The following HMCN1 variants were observed in gnomAD, a reference collection of about 807,000 sequenced individuals.
HMCN1 encodes the protein hemicentin-1.
Under a neutral mutation model 625.9 loss-of-function variants are expected in HMCN1, and 321 were observed. That is an observed-to-expected ratio of 0.51 (90% confidence interval 0.47 to 0.56). The LOEUF (loss-of-function observed/expected upper bound fraction) is 0.56. Among genes scored for constraint, HMCN1 ranks in the 20% least tolerant of loss-of-function variants. HMCN1 has a pLI of 0.00. For synonymous variants in HMCN1, 2,425 were observed against 2,417.6 expected, an observed-to-expected ratio of 1.00 and a Z score of -0.09; for missense variants, 6,588 against 6,887.3, an observed-to-expected ratio of 0.96 and a Z score of 1.54.
chr1:185,952,414 G>A (rs1047848539), intron 11 of HMCN1, among the ~76,000 whole-genome samples: 2 of 151,632 alleles, frequency 1.3e-5, no homozygotes, highest in African/African-American at 2.4e-5. Flanking sequence ...GAAAGACTCA[G>A]CGACGCTTGG....
intron 1 of HMCN1, among the ~76,000 whole-genome samples, chr1:185,744,440 C>T (rs1349233501): frequency 1.3e-5 from 2 of 152,114 alleles, no homozygotes; most frequent in Non-Finnish European, 2.9e-5. Flanking sequence ...AGGCCACTGC[C>T]TCATAATTGG....
At chr1:185,972,432 A>C (rs548725105) in intron 15 of HMCN1, among the ~76,000 whole-genome samples, 2 of 152,260 alleles carry the variant, frequency 1.3e-5, no homozygotes, top group East Asian at 3.9e-4. Context: ...AACCTAACAA[A>C]TGTTTCGTAT....
Position 185,874,084 on chromosome 1 carries a change from GT to G in HMCN1, c.621+8230del, listed in dbSNP as rs971552106. ...CCTTTGGAAAAAACATATGAATATT[GT>G]TTTTTTTTAAGTAGTTTAAACCATT... On this transcript the variant is annotated intron_variant, in intron 4 of 106. Transcript: ENST00000271588. Among the ~76,000 whole-genome samples the G allele has an allele frequency of 3.2e-3, 484 of 150,544 alleles. 2 individuals are homozygous for G. The highest frequency in any genetic ancestry group is 3.5e-3 in the Non-Finnish European group (234 of 67,426).
In HMCN1 at chr1:185,890,331, G is replaced by A. The variant is rs909371094; in HGVS notation, c.622-19006G>A. Among the ~76,000 whole-genome samples the A allele has an allele frequency of 1.1e-4, 16 of 147,926 alleles. 3 individuals are homozygous for A. Among genetic ancestry groups the A allele is most frequent in the African/African-American group, 4.3e-4 (16 of 37,398 alleles). On this transcript the variant is annotated intron_variant, in intron 4 of 106. Coordinates refer to ENST00000271588, the MANE Select transcript of HMCN1 (RefSeq NM_031935.3). Reference sequence around the variant, plus strand: ...TTCCTTCAGTTCTGCTCTGATTTTAGGTATTTCTTGCCTTCTGCTAGCTTT... The same window carrying A: ...TTCCTTCAGTTCTGCTCTGATTTTAAGTATTTCTTGCCTTCTGCTAGCTTT...
chr1:186,184,672 T>TTAC (rs1653168502), intron 105 of HMCN1, among the ~76,000 whole-genome samples: 1 of 138,040 alleles, frequency 7.2e-6, no homozygotes, highest in Non-Finnish European at 1.6e-5. Context: ...AAATTACTTA[T>TTAC]ATTTTCTATA....
chr1:185,879,238 A>C (rs1302115804), intron 4 of HMCN1, among the ~76,000 whole-genome samples: 1 of 152,070 alleles, frequency 6.6e-6, no homozygotes, highest in Non-Finnish European at 1.5e-5. Flanking sequence ...TGTTGTGATC[A>C]CTGCTCACTG....
At chr1:186,145,313 T>C in intron 91 of HMCN1, 90 bp from the exon 92 acceptor site, 30 of 1,260,612 alleles carry the variant, frequency 2.4e-5, no homozygotes, top group Non-Finnish European at 3.0e-5. Flanking sequence ...AGAAGAGACT[T>C]TTTTTTTAAT....
Position 186,152,766 on chromosome 1 carries a change from G to A in HMCN1, c.14913G>A (p.Met4971Ile), listed in dbSNP as rs750507747. ...VEFATGEILQ[M>I]SHIARGLDSD... is the part of the protein sequence containing the mutation. ...AATTCCCAGGAGAAATCTTGCAGAT[G>A]AGTCATATTGCCCGGGGCTTGGATT... The change falls in exon 96 of 107, where the codon ATG (methionine) becomes ATA (isoleucine). Residue 4971 changes from methionine to isoleucine, a missense_variant. Met to Ile is a conservative substitution (Grantham distance 10, BLOSUM62 1). Around this residue, in one of 3 missense-constraint regions of HMCN1, gnomAD observed 1,954 missense variants for 2,013.1 expected, o/e 0.97. Coordinates refer to ENST00000271588, the MANE Select transcript of HMCN1 (RefSeq NM_031935.3). 6.2e-7 allele frequency: 1 copy of A among 1,613,954 alleles called. No homozygotes were observed. The highest frequency in any genetic ancestry group is 8.5e-7 in the Non-Finnish European group (1 of 1,179,852).
At chr1:185,735,586 A>G (rs1485972773) in intron 1 of HMCN1, among the ~76,000 whole-genome samples, 1 of 152,190 alleles carries the variant, frequency 6.6e-6, no homozygotes, top group African/African-American at 2.4e-5. Flanking sequence ...TCTTAACTGA[A>G]TCTATTCATC....
intron 4 of HMCN1, among the ~76,000 whole-genome samples, chr1:185,893,349 A>T (rs1041181855): frequency 6.6e-6 from 1 of 152,158 alleles, no homozygotes; most frequent in Non-Finnish European, 1.5e-5. Context: ...GGGGAGACTT[A>T]AAAGCCTGAA....
chr1:186,111,488 A>T (rs954258105), intron 71 of HMCN1, among the ~76,000 whole-genome samples: 12 of 151,840 alleles, frequency 7.9e-5, no homozygotes, highest in East Asian at 3.9e-4. Context: ...ACCTGAATTT[A>T]AAAAAAAGTT....
chr1:186,143,672 A>C (rs1650110937), intron 89 of HMCN1, among the ~76,000 whole-genome samples: 1 of 152,232 alleles, frequency 6.6e-6, no homozygotes, highest in African/African-American at 2.4e-5. Context: ...ATCCAAGTAC[A>C]TATGTAGATA....
intron 4 of HMCN1, among the ~76,000 whole-genome samples, chr1:185,870,358 A>G (rs1331735092): frequency 1.3e-5 from 2 of 152,192 alleles, no homozygotes; most frequent in African/African-American, 4.8e-5. Context: ...CACAGATGCT[A>G]TATCCCTGTG....
At chr1:185,755,730 GTGAGAA>G (rs1267665585) in intron 1 of HMCN1, among the ~76,000 whole-genome samples, 1 of 152,210 alleles carries the variant, frequency 6.6e-6, no homozygotes, top group Non-Finnish European at 1.5e-5. Context: ...CCTGATGAGA[GTGAGAA>G]GGGATTAGGA....
chr1:185,897,373 G>T (rs1665547685), intron 4 of HMCN1, among the ~76,000 whole-genome samples: 1 of 151,958 alleles, frequency 6.6e-6, no homozygotes, highest in Non-Finnish European at 1.5e-5. Context: ...GTAACATCCT[G>T]TTTCTGAACT....
intron 36 of HMCN1, among the ~76,000 whole-genome samples, chr1:186,030,261 G>C (rs865956686): frequency 6.6e-6 from 1 of 151,974 alleles, no homozygotes; most frequent in Non-Finnish European, 1.5e-5. Context: ...CTGTGTAGTT[G>C]TATCCACAAT....
At chr1:185,972,874 G>T (rs959138593) in intron 15 of HMCN1, among the ~76,000 whole-genome samples, 6 of 152,092 alleles carry the variant, frequency 3.9e-5, no homozygotes, top group African/African-American at 9.7e-5. Flanking sequence ...AATAACAAAG[G>T]TTGAACAGAC....
At chr1:186,007,437 G>A (rs963787422) in intron 30 of HMCN1, among the ~76,000 whole-genome samples, 155 bp downstream of exon 30, 1 of 152,064 alleles carries the variant, frequency 6.6e-6, no homozygotes, top group Non-Finnish European at 1.5e-5. Flanking sequence ...GTTTTAAAAG[G>A]CTAGAATATT....
chr1:185,949,807 T>C lies in HMCN1; in HGVS notation c.1829-12711T>C, dbSNP rs1019411559. On this transcript the variant is annotated intron_variant, in intron 11 of 106. Transcript: ENST00000271588. Reference sequence around the variant, plus strand: ...CTCGGCATGTTGAGTAAAGCTAATTTGCCAGTCCTGGGTGGGGCAAATCCT... The same window carrying C: ...CTCGGCATGTTGAGTAAAGCTAATTCGCCAGTCCTGGGTGGGGCAAATCCT... Among the ~76,000 whole-genome samples, 8 of 151,954 alleles carry C rather than the reference T, an allele frequency of 5.3e-5. No individual in the cohort carries two copies. The South Asian group carries it at 1.7e-3, about 31-fold the overall frequency.
Sources: allele counts gnomAD v4.1 joint callset (sites outside exome capture counted in the v4.1 genomes callset), GRCh38; gene constraint gnomAD v4.1.1; regional missense constraint gnomAD v4.1.1; transcripts MANE v1.5; gene names NCBI Gene and HGNC (gene_info 2026-07-23, HGNC 2026-07-21).